The following GNAQ variants were observed in gnomAD, a reference collection of about 807,000 sequenced individuals.
GNAQ encodes the protein guanine nucleotide-binding protein G(q) subunit alpha.
In GNAQ, 8 loss-of-function variants were observed where a neutral mutation model predicts 43.9. The observed-to-expected ratio is 0.18, with a 90% CI of 0.11 to 0.33. The LOEUF is 0.33. Ranked by LOEUF, GNAQ falls within the 10% of genes least tolerant of loss-of-function variation. GNAQ has a pLI of 1.00. For synonymous variants in GNAQ, 155 were observed against 170.7 expected (o/e 0.91, Z 0.71); for missense variants, 158 against 450.8 (o/e 0.35, Z 5.88).
chr9:77,775,374 A>T (rs1225010421), intron 5 of GNAQ, among the ~76,000 whole-genome samples: 1 of 151,258 alleles, frequency 6.6e-6, no homozygotes, highest in Admixed American at 6.6e-5. Context: ...CCTCCTATTA[A>T]CAGTATCTAA....
chr9:77,781,464 A>C (rs973191315), intron 5 of GNAQ, among the ~76,000 whole-genome samples: 1 of 152,192 alleles, frequency 6.6e-6, no homozygotes, highest in African/African-American at 2.4e-5. Context: ...AATTATCTAC[A>C]ATTCCTTTAA....
intron 2 of GNAQ, among the ~76,000 whole-genome samples, chr9:77,864,683 T>C (rs1028525456): frequency 2.0e-5 from 3 of 152,208 alleles, no homozygotes; most frequent in Admixed American, 6.5e-5. Context: ...CCAGTGACAC[T>C]TGGGTTTTGA....
intron 2 of GNAQ, among the ~76,000 whole-genome samples, chr9:77,860,807 G>C (rs1827838313): frequency 6.6e-6 from 1 of 152,088 alleles, no homozygotes; most frequent in South Asian, 2.1e-4. Context: ...CCTCAGGCTA[G>C]ATGTACTCCC....
chr9:77,973,309 T>C (rs1457165712), intron 1 of GNAQ, among the ~76,000 whole-genome samples: 5 of 152,202 alleles, frequency 3.3e-5, no homozygotes, highest in Non-Finnish European at 7.3e-5. Flanking sequence ...CCAGTCCTTG[T>C]CCCTGCATGT....
intron 3 of GNAQ, among the ~76,000 whole-genome samples, chr9:77,798,814 T>C (rs1321612336): frequency 1.3e-5 from 2 of 152,328 alleles, no homozygotes; most frequent in East Asian, 1.9e-4. Flanking sequence ...TGAATATTTT[T>C]GATCCATAAG....
intron 2 of GNAQ, among the ~76,000 whole-genome samples, chr9:77,904,327 T>TTG (rs1828667724): frequency 2.9e-5 from 1 of 34,784 alleles, no homozygotes; most frequent in African/African-American, 7.5e-5. Context: ...CTTTTTTTTT[T>TTG]TTTTTTTTTT....
At chr9:77,864,942 T>C (rs903677269) in intron 2 of GNAQ, among the ~76,000 whole-genome samples, 6 of 152,136 alleles carry the variant, frequency 3.9e-5, no homozygotes, top group South Asian at 2.1e-4. Flanking sequence ...GTATTTTGAG[T>C]GTGCCCTTGT....
chr9:77,935,603 G>C (rs1204559149), intron 1 of GNAQ, among the ~76,000 whole-genome samples: 8 of 152,210 alleles, frequency 5.3e-5, no homozygotes. Context: ...GTCCAAAGAT[G>C]CTTCTTGTGT....
intron 2 of GNAQ, among the ~76,000 whole-genome samples, chr9:77,866,855 G>A (rs566963774): frequency 7.2e-4 from 110 of 152,244 alleles, no homozygotes; most frequent in African/African-American, 2.3e-3. Flanking sequence ...AAACACAGTC[G>A]TCATCTGGAG....
At chr9:77,976,592 A>G (rs1385244338) in intron 1 of GNAQ, among the ~76,000 whole-genome samples, 1 of 152,088 alleles carries the variant, frequency 6.6e-6, no homozygotes, top group Non-Finnish European at 1.5e-5. Context: ...GGGTTTCACC[A>G]TATTGGTCAG....
At chr9:77,866,997 T>G (rs1432325500) in intron 2 of GNAQ, among the ~76,000 whole-genome samples, 9 of 152,216 alleles carry the variant, frequency 5.9e-5, no homozygotes, top group Non-Finnish European at 1.0e-4. Context: ...GCATGAAAAA[T>G]GTACCAGTTG....
At chr9:77,742,595 C>A (rs980832994) in intron 5 of GNAQ, among the ~76,000 whole-genome samples, 2 of 151,214 alleles carry the variant, frequency 1.3e-5, no homozygotes, top group African/African-American at 4.8e-5. Flanking sequence ...AAAAAAAAAC[C>A]AATGTTCCAC....
intron 2 of GNAQ, among the ~76,000 whole-genome samples, chr9:77,848,137 G>C (rs1473954390): frequency 6.6e-6 from 1 of 152,034 alleles, no homozygotes; most frequent in Non-Finnish European, 1.5e-5. Flanking sequence ...GTCTCCTTGG[G>C]GCCACTGTGA....
In GNAQ at chr9:78,014,113, T is replaced by C. The variant is rs530255639; in HGVS notation, c.136+16987A>G. 3.3e-5 allele frequency among the ~76,000 whole-genome samples: 5 copies of C among 152,190 alleles called. No individual in the cohort carries two copies. In the South Asian group the frequency reaches 1.0e-3, roughly 32 times the overall value. On this transcript the variant is annotated intron_variant, in intron 1 of 6. Transcript: ENST00000286548. Reference sequence around the variant, plus strand: ...GTACATACCTTTCAAATTATCAGTGTGGAAAGCACAACAAACCCAATACAA... The same window carrying C: ...GTACATACCTTTCAAATTATCAGTGCGGAAAGCACAACAAACCCAATACAA...
At chr9:77,900,264 A>G (rs764805952) in intron 2 of GNAQ, among the ~76,000 whole-genome samples, 1 of 152,168 alleles carries the variant, frequency 6.6e-6, no homozygotes, top group Non-Finnish European at 1.5e-5. Flanking sequence ...TCTAACAGAA[A>G]CACATGTACG....
chr9:77,894,475 T>C (rs1828467653), intron 2 of GNAQ, among the ~76,000 whole-genome samples: 1 of 148,156 alleles, frequency 6.7e-6, no homozygotes, highest in Non-Finnish European at 1.5e-5. Flanking sequence ...CAGGCTGGAA[T>C]GCAGTGCTGT....
chr9:77,786,641 C>G (rs543348833), intron 5 of GNAQ, among the ~76,000 whole-genome samples: 3 of 152,238 alleles, frequency 2.0e-5, no homozygotes, highest in Admixed American at 1.3e-4. Flanking sequence ...AGCTCAGCTA[C>G]CTAGTCACCA....
At chr9:77,828,059 C>CAAAAAAAA (rs71360654) in intron 2 of GNAQ, among the ~76,000 whole-genome samples, 577 of 19,248 alleles carry the variant, frequency 0.03, 155 homozygotes, top group East Asian at 0.036. Context: ...GACTCCTCCT[C>CAAAAAAAA]AAAAAAAAAA....
chr9:77,747,146 T>C (rs1208295836), intron 5 of GNAQ, among the ~76,000 whole-genome samples: 4 of 152,204 alleles, frequency 2.6e-5, no homozygotes, highest in African/African-American at 9.6e-5. Flanking sequence ...CTCTCTTCTG[T>C]AGCCTTCTAT....
Sources: allele counts gnomAD v4.1 joint callset (sites outside exome capture counted in the v4.1 genomes callset), GRCh38; gene constraint gnomAD v4.1.1; transcripts MANE v1.5; gene names NCBI Gene and HGNC (gene_info 2026-07-23, HGNC 2026-07-21).